The following FAM241A variants were observed in gnomAD, a reference collection of about 807,000 sequenced individuals.
FAM241A encodes family with sequence similarity 241 member A, also known as uncharacterized protein FAM241A.
A neutral mutation model predicts 12.2 loss-of-function variants in FAM241A; 7 were observed. The ratio of observed to expected loss-of-function variants is 0.58; its 90% CI spans 0.33 to 1.08. FAM241A has a LOEUF of 1.08. Among genes scored for constraint, FAM241A ranks in the 50% least tolerant of loss-of-function variants. FAM241A has a pLI of 0.04. For missense variants in FAM241A, 161 were observed against 169.7 expected (o/e 0.95, Z 0.29); for synonymous variants, 74 against 68.2 (o/e 1.08, Z -0.42).
At position 112,145,693 on chromosome 4, in the gene FAM241A, G is replaced by A. The variant is rs770016927; in HGVS notation, c.113G>A (p.Ser38Asn). 178 of 1,205,216 alleles carry A rather than the reference G, an allele frequency of 1.5e-4. No homozygotes were observed. The Middle Eastern group carries it at 4.6e-3, about 31-fold the overall frequency. 74.7% of individuals were successfully genotyped at this position (1,205,216 alleles called of 1,614,324 possible). The change falls in exon 1 of 2, where the codon AGC becomes AAC. Residue 38 changes from serine to asparagine, a missense_variant. Ser to Asn is a conservative substitution (Grantham distance 46). Coordinates refer to ENST00000309733, the MANE Select transcript of FAM241A (RefSeq NM_152400.3). ...AAGTGWDPGA[S>N]PRRRGQRPKE... is the part of the protein sequence containing the mutation. Reference sequence around the variant, plus strand: ...GGGACCGGGTGGGATCCCGGGGCGAGCCCGCGGCGGCGCGGACAGCGGCCG... The same window carrying A: ...GGGACCGGGTGGGATCCCGGGGCGAACCCGCGGCGGCGCGGACAGCGGCCG...
intron 1 of FAM241A, among the ~76,000 whole-genome samples, chr4:112,180,178 A>T (rs1240141800): frequency 6.6e-6 from 1 of 151,914 alleles, no homozygotes; most frequent in East Asian, 1.9e-4. Flanking sequence ...TAAGGATGGC[A>T]ACAGTAGACA....
At chr4:112,182,116 T>C (rs1723952787) in intron 1 of FAM241A, among the ~76,000 whole-genome samples, 1 of 151,990 alleles carries the variant, frequency 6.6e-6, no homozygotes, top group African/African-American at 2.4e-5. Context: ...TGGATGTGGG[T>C]CATGGGGAAG....
In FAM241A at chr4:112,192,306, A is replaced by C. The variant is rs1724181376; in HGVS notation, c.*5368A>C. The C allele has an allele frequency of 6.6e-6, 1 of 151,396 alleles. No individual in the cohort carries two copies. The allele number at this position is 151,396 out of a possible 1,614,324, so 9.4% of individuals were successfully genotyped here. A position where few individuals can be genotyped will look rare whatever the true frequency, so the allele number is the denominator to read the frequency against. On this transcript the variant is annotated 3_prime_UTR_variant, in exon 2 of 2. Coordinates refer to ENST00000309733, the MANE Select transcript of FAM241A (RefSeq NM_152400.3). ...ACTTTTGTTCAGTATTTTTTAATAG[A>C]CCTTTATTTACTACATTTTAATTTT...
intron 1 of FAM241A, among the ~76,000 whole-genome samples, chr4:112,182,417 CCTTT>C (rs1348566427): frequency 6.6e-6 from 1 of 152,004 alleles, no homozygotes; most frequent in East Asian, 1.9e-4. Context: ...ATAATATAGT[CCTTT>C]CTTAATACAA....
chr4:112,181,686 G>C (rs1723946662), intron 1 of FAM241A, among the ~76,000 whole-genome samples: 1 of 152,180 alleles, frequency 6.6e-6, no homozygotes, highest in Non-Finnish European at 1.5e-5. Flanking sequence ...GCAAAGGAGA[G>C]AGGAAATAGT....
intron 1 of FAM241A, among the ~76,000 whole-genome samples, chr4:112,151,303 C>T (rs899494569): frequency 6.6e-6 from 1 of 152,180 alleles, no homozygotes; most frequent in African/African-American, 2.4e-5. Context: ...CCTTCACCTT[C>T]TGCCATGATT....
At chr4:112,164,995 G>T (rs559234895) in intron 1 of FAM241A, among the ~76,000 whole-genome samples, 1 of 152,134 alleles carries the variant, frequency 6.6e-6, no homozygotes. Context: ...TATTTGGGAG[G>T]CTGAGGTGGG....
intron 1 of FAM241A, among the ~76,000 whole-genome samples, chr4:112,165,074 C>G (rs2110426600): frequency 6.6e-6 from 1 of 152,314 alleles, no homozygotes; most frequent in Middle Eastern, 3.4e-3. Context: ...GCACTCCAGC[C>G]TGGATGACAG....
intron 1 of FAM241A, among the ~76,000 whole-genome samples, chr4:112,155,497 G>A (rs541839335): frequency 6.6e-6 from 1 of 151,820 alleles, no homozygotes; most frequent in East Asian, 1.9e-4. Flanking sequence ...TTACTGATAA[G>A]TGACAAACAA....
rs1412657421 is a variant in FAM241A at position 112,191,983 on chromosome 4, T to TG, written c.*5047dup. 2 of 152,186 alleles carry TG rather than the reference T, an allele frequency of 1.3e-5. No individual in the cohort carries two copies. Among genetic ancestry groups the TG allele is most frequent in the Non-Finnish European group, 2.9e-5 (2 of 68,030 alleles). 9.4% of individuals were successfully genotyped at this position (152,186 alleles called of 1,614,324 possible). On this transcript the variant is annotated 3_prime_UTR_variant, in exon 2 of 2. Transcript: ENST00000309733. Reference sequence around the variant, plus strand: ...CAAGTAAACCCACTTCATCTACTCATGGTCTTCATATAGACCACTAACAAA... The same window carrying TG: ...CAAGTAAACCCACTTCATCTACTCATGGGTCTTCATATAGACCACTAACAAA...
rs1390493358 is a variant in FAM241A, at chr4:112,145,524, G to T, written c.-57G>T. 8.3e-7 allele frequency: 1 copy of T among 1,210,110 alleles called. No individual in the cohort carries two copies. Among genetic ancestry groups the T allele is most frequent in the East Asian group, 3.4e-5 (1 of 29,846 alleles). 75.0% of individuals were successfully genotyped at this position (1,210,110 alleles called of 1,614,324 possible). The stretch of plus-strand genomic sequence containing the variant: ...AGCCTTCGGGCGGCGGCGCTGCCTG[G>T]TGCGTCGCGGCGTGGTCCTCCGGCG... On this transcript the variant is annotated 5_prime_UTR_variant, in exon 1 of 2. Coordinates refer to ENST00000309733, the MANE Select transcript of FAM241A (RefSeq NM_152400.3).
In FAM241A at chr4:112,186,865, TG is replaced by T; in HGVS notation, c.327del (p.Trp110GlyfsTer10). The part of the protein sequence containing the change: ...PVIVIFFWVM[L>X]WFLGLQALGL... Reference sequence around the variant, plus strand: ...ATAGTCATTTTCTTTTGGGTTATGCTGTGGTTCCTTGGCCTGCAAGCCCTTG... The same window carrying T: ...ATAGTCATTTTCTTTTGGGTTATGCTTGGTTCCTTGGCCTGCAAGCCCTTG... On this transcript the variant is annotated frameshift_variant, in exon 2 of 2. Transcript: ENST00000309733. LOFTEE classifies it high-confidence loss of function. 1 of 1,614,166 alleles carries T rather than the reference TG, an allele frequency of 6.2e-7. No homozygotes were observed. Among genetic ancestry groups the T allele is most frequent in the Non-Finnish European group, 8.5e-7 (1 of 1,179,998 alleles).
At chr4:112,154,862 G>C in intron 1 of FAM241A, among the ~76,000 whole-genome samples, 1 of 151,934 alleles carries the variant, frequency 6.6e-6, no homozygotes, top group East Asian at 2.0e-4. Flanking sequence ...GCGAAACCCC[G>C]CCTCTCCAAA....
At position 112,190,463 on chromosome 4, in the gene FAM241A, A is replaced by T. The variant is rs1166909035; in HGVS notation, c.*3525A>T. The T allele has an allele frequency of 1.3e-5, 2 of 151,040 alleles. No homozygotes were observed. The highest frequency in any genetic ancestry group is 2.9e-5 in the Non-Finnish European group (2 of 67,862). The allele number at this position is 151,040 out of a possible 1,614,324, so 9.4% of individuals were successfully genotyped here. A position where few individuals can be genotyped will look rare whatever the true frequency, so the allele number is the denominator to read the frequency against. On this transcript the variant is annotated 3_prime_UTR_variant, in exon 2 of 2. Coordinates refer to ENST00000309733, the MANE Select transcript of FAM241A (RefSeq NM_152400.3). ...CACTTTGGGAGGCCGAAGCGGGCGG[A>T]TCACCTGAGGTCGGGAGTTCGAGAC...
intron 1 of FAM241A, among the ~76,000 whole-genome samples, chr4:112,160,031 A>G (rs1291576187): frequency 6.6e-6 from 1 of 152,194 alleles, no homozygotes; most frequent in Non-Finnish European, 1.5e-5. Flanking sequence ...GGAAAAATCT[A>G]AGGACTCCAT....
chr4:112,186,592 G>A lies in FAM241A; in HGVS notation c.154-101G>A. 3 of 1,076,968 alleles carry A rather than the reference G, an allele frequency of 2.8e-6. No individual in the cohort carries two copies. In the South Asian group the frequency reaches 4.9e-5, roughly 18 times the overall value. The allele number at this position is 1,076,968 out of a possible 1,614,324, so 66.7% of individuals were successfully genotyped here. On this transcript the variant is annotated intron_variant, in intron 1 of 1. Transcript: ENST00000309733. ...GGTACTTGTAGAATAATTATCAGAA[G>A]TATGCCCAGCACTTTGGAAGATGAA...
At chr4:112,172,539 C>A (rs554536720) in intron 1 of FAM241A, among the ~76,000 whole-genome samples, 116 of 152,164 alleles carry the variant, frequency 7.6e-4, no homozygotes, top group Non-Finnish European at 2.1e-4. Context: ...GGGTTTTTTG[C>A]CAATTCTTTT....
At chr4:112,169,203 T>C (rs868116466) in intron 1 of FAM241A, among the ~76,000 whole-genome samples, 17 of 152,174 alleles carry the variant, frequency 1.1e-4, no homozygotes, top group Non-Finnish European at 2.5e-4. Flanking sequence ...ATCAGTGATA[T>C]ACTCAATGTT....
intron 1 of FAM241A, among the ~76,000 whole-genome samples, chr4:112,159,682 T>A (rs932051177): frequency 2.0e-5 from 3 of 152,186 alleles, no homozygotes; most frequent in Non-Finnish European, 4.4e-5. Flanking sequence ...AACCATATGA[T>A]CATTTCAATT....
Sources: gnomAD v4.1 joint callset for allele counts (sites outside exome capture counted in the v4.1 genomes callset) on GRCh38, gnomAD v4.1.1 for gene constraint, MANE v1.5 for transcripts, NCBI Gene and HGNC (gene_info 2026-07-23, HGNC 2026-07-21) for gene names.